ANXA8: variants seen among roughly 807,000 people sequenced by gnomAD.
ANXA8 encodes the protein annexin A8, also known as VAC-beta.
Under a neutral mutation model 26.8 loss-of-function variants are expected in ANXA8, and 9 were observed. The observed-to-expected ratio is 0.34, with a 90% CI of 0.20 to 0.59. The LOEUF is 0.59. ANXA8 is among the 20% of genes least tolerant of loss of function. The pLI is 0.84. For synonymous variants in ANXA8, 39 were observed against 94.8 expected (o/e 0.41, Z 3.42); for missense variants, 83 against 238.5 (o/e 0.35, Z 4.29).
chr10:47,924,880 C>A, the ANXA8 span, among the ~76,000 whole-genome samples: 1 of 136,240 alleles, frequency 7.3e-6, no homozygotes, highest in Non-Finnish European at 1.6e-5. Flanking sequence ...CCAGCGAAGC[C>A]CAGGCTCCGG....
At chr10:47,954,709 AC>A in the ANXA8 span, among the ~76,000 whole-genome samples, 2 of 150,838 alleles carry the variant, frequency 1.3e-5, no homozygotes, top group African/African-American at 4.9e-5. Flanking sequence ...TAAAAAAAAA[AC>A]AGAAATTCCT....
At chr10:47,470,099 A>T (rs1839281964) in intron 11 of ANXA8, among the ~76,000 whole-genome samples, 1 of 151,854 alleles carries the variant, frequency 6.6e-6, no homozygotes, top group Admixed American at 6.5e-5. Context: ...AAAAGCATTA[A>T]TTTTGTTTAC....
chr10:47,939,101 G>A, the ANXA8 span, among the ~76,000 whole-genome samples: 89 of 145,566 alleles, frequency 6.1e-4, 4 homozygotes, highest in Non-Finnish European at 1.1e-3. Context: ...TTTCACTTCT[G>A]TGACTGCTGA....
chr10:47,956,659 T>G, the ANXA8 span, among the ~76,000 whole-genome samples: 5 of 151,092 alleles, frequency 3.3e-5, 1 homozygote, highest in East Asian at 1.0e-3. Flanking sequence ...CTCCTAAGTC[T>G]TCCTCTGTTG....
the ANXA8 span, among the ~76,000 whole-genome samples, chr10:47,918,419 AAG>A: frequency 2.9e-5 from 1 of 34,292 alleles, no homozygotes; most frequent in African/African-American, 1.7e-4. Context: ...GAAAGAAAGA[AAG>A]AAAGAAAGAA....
chr10:47,647,152 G>A, the ANXA8 span, among the ~76,000 whole-genome samples: 2 of 152,344 alleles, frequency 1.3e-5, no homozygotes, highest in Non-Finnish European at 2.9e-5. Context: ...CTTTCATAAT[G>A]CTTCTTGCAT....
At chr10:47,650,597 G>A in the ANXA8 span, among the ~76,000 whole-genome samples, 1,998 of 144,050 alleles carry the variant, frequency 0.014, 1 homozygote, top group African/African-American at 0.041. Flanking sequence ...ACGAGGTCAG[G>A]AGATCGAGAC....
chr10:47,507,011 TGA>T, the ANXA8 span, among the ~76,000 whole-genome samples: 1 of 129,438 alleles, frequency 7.7e-6, no homozygotes, highest in African/African-American at 2.8e-5. Flanking sequence ...AAGCTCAACA[TGA>T]GAGACTTTAA....
At chr10:47,668,869 C>CTG in the ANXA8 span, among the ~76,000 whole-genome samples, 1 of 151,352 alleles carries the variant, frequency 6.6e-6, no homozygotes, top group East Asian at 1.9e-4. Flanking sequence ...GGTGATCTAT[C>CTG]TGTGTCATTT....
At chr10:47,543,803 C>T in the ANXA8 span, 88 of 200,164 alleles carry the variant, frequency 4.4e-4, 2 homozygotes, top group Non-Finnish European at 7.0e-4. Context: ...AAGGAAGCAC[C>T]GTTCACCATC....
the ANXA8 span, among the ~76,000 whole-genome samples, chr10:47,613,262 A>G: frequency 6.7e-6 from 1 of 149,116 alleles, no homozygotes; most frequent in African/African-American, 2.4e-5. Context: ...CAAAATTTTG[A>G]TTTAGAAAAT....
the ANXA8 span, among the ~76,000 whole-genome samples, chr10:47,702,569 G>A: frequency 6.6e-6 from 1 of 151,472 alleles, no homozygotes; most frequent in Non-Finnish European, 1.5e-5. Context: ...TTGAACTCCT[G>A]ACCTCAAATG....
chr10:47,956,378 CTAAA>C, the ANXA8 span, among the ~76,000 whole-genome samples: 1 of 118,274 alleles, frequency 8.5e-6, no homozygotes, highest in Admixed American at 8.7e-5. Context: ...CCACAAACAC[CTAAA>C]TAATACATTG....
chr10:47,502,812 C>G, the ANXA8 span: 1 of 1,595,222 alleles, frequency 6.3e-7, no homozygotes, highest in Non-Finnish European at 8.5e-7. Context: ...GGATCTGGCT[C>G]TGGATGGCTT....
the ANXA8 span, among the ~76,000 whole-genome samples, chr10:47,769,949 G>A: frequency 6.6e-6 from 1 of 151,376 alleles, no homozygotes; most frequent in Non-Finnish European, 1.5e-5. Flanking sequence ...CTTCTGGTGA[G>A]GCCTCAGGAA....
the ANXA8 span, among the ~76,000 whole-genome samples, chr10:47,506,654 T>C: frequency 7.0e-6 from 1 of 142,624 alleles, no homozygotes; most frequent in Non-Finnish European, 1.5e-5. Flanking sequence ...TTTGTTTGTT[T>C]GTTTAGACAG....
At chr10:47,558,258 G>A in the ANXA8 span, among the ~76,000 whole-genome samples, 9 of 152,000 alleles carry the variant, frequency 5.9e-5, 1 homozygote, top group African/African-American at 2.2e-4. Context: ...TAAACGTCAT[G>A]GGTGGTGTGT....
At chr10:47,945,025 C>T in the ANXA8 span, among the ~76,000 whole-genome samples, 1 of 150,452 alleles carries the variant, frequency 6.6e-6, no homozygotes, top group South Asian at 2.1e-4. Flanking sequence ...TGTACTCCAC[C>T]TGGCCTACAA....
the ANXA8 span, chr10:47,599,632 A>T: frequency 8.1e-5 from 12 of 148,716 alleles, no homozygotes; most frequent in Admixed American, 3.3e-4. Flanking sequence ...AAAAACATGT[A>T]CCTGCGTGAT....
Sources: gnomAD v4.1 joint callset for allele counts (sites outside exome capture counted in the v4.1 genomes callset) on GRCh38, gnomAD v4.1.1 for gene constraint, MANE v1.5 for transcripts, NCBI Gene and HGNC (gene_info 2026-07-23, HGNC 2026-07-21) for gene names.